Variants in HPCAL1 observed in about 807,000 individuals in gnomAD.
HPCAL1 encodes the protein hippocalcin like 1.
Under a neutral mutation model 17.1 loss-of-function variants are expected in HPCAL1, and 8 were observed. The ratio of observed to expected loss-of-function variants is 0.47; its 90% CI spans 0.27 to 0.84. The LOEUF (loss-of-function observed/expected upper bound fraction) is 0.84, where lower values mean the gene tolerates loss of function less well. Among genes scored for constraint, HPCAL1 ranks in the 40% least tolerant of loss-of-function variants. The pLI, the probability that HPCAL1 is intolerant of heterozygous loss-of-function variation, is 0.13. For missense variants in HPCAL1, 165 were observed against 271.1 expected (o/e 0.61, Z 2.75); for synonymous variants, 112 against 111.4 (o/e 1.01, Z -0.03).
intron 1 of HPCAL1, among the ~76,000 whole-genome samples, chr2:10,379,869 C>A (rs1282571184): frequency 2.6e-5 from 4 of 152,216 alleles, no homozygotes; most frequent in African/African-American, 9.6e-5. Flanking sequence ...CACTCAGAAC[C>A]AGTGGCTCTT....
At chr2:10,383,293 G>A (rs113282182) in intron 1 of HPCAL1, among the ~76,000 whole-genome samples, 7,160 of 152,128 alleles carry the variant, frequency 0.047, 237 homozygotes, top group Non-Finnish European at 0.072. Flanking sequence ...GATCACTTGA[G>A]CCCAAGAGGT....
rs529529161 is a variant in HPCAL1, at chr2:10,403,521, T to C, written c.-25+6601T>C. Among the ~76,000 whole-genome samples, 18 of 151,148 alleles carry C rather than the reference T, an allele frequency of 1.2e-4. No homozygotes were observed. The South Asian group carries it at 3.1e-3, about 26-fold the overall frequency. ...GTGTGTGTGACGGAGTCTTGCTCTG[T>C]CACCCAGGCTGGAGTGCAGTAGTGT... is the stretch of plus-strand genomic sequence containing the variant. On this transcript the variant is annotated intron_variant, in intron 2 of 4. Transcript: ENST00000307845.
rs575679349 is a variant in HPCAL1 at position 10,395,534 on chromosome 2, C to T, written c.-110-1301C>T. On this transcript the variant is annotated intron_variant, in intron 1 of 4. Transcript: ENST00000307845. The surrounding 1 kb of genome is among the most constrained non-coding windows in gnomAD (Gnocchi z 4.4). ...CATTGTGCAGGAGCGAGGGGAGCCCCGCTGGCACGCCGCACTGTGCTGAGG... is the reference window on the plus strand; with the variant it reads ...CATTGTGCAGGAGCGAGGGGAGCCCTGCTGGCACGCCGCACTGTGCTGAGG... Among the ~76,000 whole-genome samples, 108 of 152,158 alleles carry T rather than the reference C, an allele frequency of 7.1e-4. 1 individual carries two copies. The highest frequency in any genetic ancestry group is 3.2e-4 in the Non-Finnish European group (22 of 68,020).
rs117902726 is a variant in HPCAL1, at chr2:10,332,514, G to A, written c.-111+29337G>A. On this transcript the variant is annotated intron_variant, in intron 1 of 4. Transcript: ENST00000307845. Reference sequence around the variant, plus strand: ...GCAGGGTGGGAGGTGGGGGGTAGCCGTGCAGGGAAGGGGTGAAGCGGGCCC... The same window carrying A: ...GCAGGGTGGGAGGTGGGGGGTAGCCATGCAGGGAAGGGGTGAAGCGGGCCC... 1.9e-3 allele frequency among the ~76,000 whole-genome samples: 294 copies of A among 152,182 alleles called. 3 individuals are homozygous for A. In the East Asian group the frequency reaches 0.026, roughly 13 times the overall value.
At chr2:10,303,499 A>C (rs1371006251) in intron 1 of HPCAL1, among the ~76,000 whole-genome samples, 1 of 151,624 alleles carries the variant, frequency 6.6e-6, no homozygotes, top group East Asian at 1.9e-4. Flanking sequence ...GTGTGTGAGC[A>C]GCTGTGCGCA....
rs1039725825 is a variant in HPCAL1 at position 10,310,784 on chromosome 2, C to A, written c.-111+7607C>A. ...ACTGCTGGGCACACTTGCAGAATTG[C>A]GGTTCTGTACAGCAGTGTGTATCGA... On this transcript the variant is annotated intron_variant, in intron 1 of 4. Transcript: ENST00000307845. The surrounding 1 kb of genome is among the most constrained non-coding windows in gnomAD (Gnocchi z 4.5). Among the ~76,000 whole-genome samples, 1 of 152,120 alleles carries A rather than the reference C, an allele frequency of 6.6e-6. No individual in the cohort carries two copies. The highest frequency in any genetic ancestry group is 1.5e-5 in the Non-Finnish European group (1 of 68,018).
intron 1 of HPCAL1, among the ~76,000 whole-genome samples, chr2:10,317,928 CTTG>C (rs369719218): frequency 8.7e-4 from 133 of 152,336 alleles, no homozygotes; most frequent in African/African-American, 3.1e-3. Flanking sequence ...TGGAACCTCT[CTTG>C]TTGTCCCCAT....
intron 1 of HPCAL1, among the ~76,000 whole-genome samples, chr2:10,321,411 T>A (rs1473980842): frequency 6.6e-6 from 1 of 152,102 alleles, no homozygotes; most frequent in South Asian, 2.1e-4. Flanking sequence ...CAGTGAGAGA[T>A]GCAGTTTTTT....
intron 1 of HPCAL1, among the ~76,000 whole-genome samples, chr2:10,372,494 A>AGCAACTCCC: frequency 6.6e-6 from 1 of 152,088 alleles, no homozygotes; most frequent in African/African-American, 2.4e-5. Flanking sequence ...TGACACACCC[A>AGCAACTCCC]GCAACTCCCA....
chr2:10,375,962 G>T (rs894405391), intron 1 of HPCAL1, among the ~76,000 whole-genome samples: 1 of 152,224 alleles, frequency 6.6e-6, no homozygotes, highest in African/African-American at 2.4e-5. Flanking sequence ...TGCAGGAGGG[G>T]TCTGGTGGGA....
chr2:10,411,110 G>A (rs751550227), intron 2 of HPCAL1, among the ~76,000 whole-genome samples: 3 of 152,156 alleles, frequency 2.0e-5, no homozygotes, highest in Non-Finnish European at 4.4e-5. Flanking sequence ...TGGCATTCAT[G>A]GGCTCCATTT....
At position 10,341,595 on chromosome 2, in the gene HPCAL1, C is replaced by G. The variant is rs1003892207; in HGVS notation, c.-111+38418C>G. Among the ~76,000 whole-genome samples, 35 of 152,046 alleles carry G rather than the reference C, an allele frequency of 2.3e-4. 1 individual carries two copies. The highest frequency in any genetic ancestry group is 4.4e-5 in the Non-Finnish European group (3 of 68,026). ...GGTCTTTAAGCAGAAACTCTCCCCT[C>G]AACACAAGAAAGCTGCTGAAGGACT... On this transcript the variant is annotated intron_variant, in intron 1 of 4. Coordinates refer to ENST00000307845, the MANE Select transcript of HPCAL1 (RefSeq NM_002149.4).
At chr2:10,397,459 C>A (rs1034317737) in intron 2 of HPCAL1, among the ~76,000 whole-genome samples, 2 of 152,014 alleles carry the variant, frequency 1.3e-5, no homozygotes, top group Admixed American at 6.6e-5. Flanking sequence ...CCCCTCAGAG[C>A]AGTTACCGTA....
In HPCAL1 at chr2:10,418,078, TGATATA is replaced by T. The variant is rs59028023; in HGVS notation, c.-24-1653_-24-1648del. On this transcript the variant is annotated intron_variant, in intron 2 of 4. Coordinates refer to ENST00000307845, the MANE Select transcript of HPCAL1 (RefSeq NM_002149.4). ...AAAATAGATAGATAGATTGATTGAT[TGATATA>T]GAGAGGATAAGTAAAAACAAAAACA... 7.0e-3 allele frequency among the ~76,000 whole-genome samples: 1,055 copies of T among 151,734 alleles called. 13 individuals are homozygous for T. Among genetic ancestry groups the T allele is most frequent in the African/African-American group, 0.025 (1,022 of 41,372 alleles).
At chr2:10,392,883 G>T (rs1481920435) in intron 1 of HPCAL1, among the ~76,000 whole-genome samples, 1 of 152,244 alleles carries the variant, frequency 6.6e-6, no homozygotes, top group East Asian at 1.9e-4. Context: ...CCCAGGAAAA[G>T]CGTGTGTGTG....
intron 1 of HPCAL1, among the ~76,000 whole-genome samples, chr2:10,326,619 G>A (rs1314312294): frequency 1.3e-5 from 2 of 152,228 alleles, no homozygotes; most frequent in African/African-American, 4.8e-5. Context: ...GTTAAGGTGG[G>A]AATCAAAGGA....
chr2:10,324,481 G>A (rs1262611812), intron 1 of HPCAL1: 2 of 152,200 alleles, frequency 1.3e-5, no homozygotes, highest in African/African-American at 2.4e-5. Flanking sequence ...CAGTTTCCTC[G>A]CTTTGGGGAT....
intron 1 of HPCAL1, among the ~76,000 whole-genome samples, chr2:10,308,929 A>G (rs1398911422): frequency 6.6e-6 from 1 of 152,208 alleles, no homozygotes; most frequent in Admixed American, 6.5e-5. Context: ...TAAGCCAGGC[A>G]CAGTGGCTCT....
intron 1 of HPCAL1, among the ~76,000 whole-genome samples, chr2:10,387,395 C>T (rs1167490266): frequency 1.3e-5 from 2 of 152,224 alleles, no homozygotes; most frequent in South Asian, 4.1e-4. Flanking sequence ...GGCACGTCCA[C>T]GTGGAGAAGC....
Sources: gnomAD v4.1 joint callset for allele counts (sites outside exome capture counted in the v4.1 genomes callset) on GRCh38, gnomAD v4.1.1 for gene constraint, Gnocchi (gnomAD v3.1) non-coding constraint, MANE v1.5 for transcripts, NCBI Gene and HGNC (gene_info 2026-07-23, HGNC 2026-07-21) for gene names.